The following SLC7A11 variants were observed in gnomAD, a reference collection of about 807,000 sequenced individuals.
SLC7A11 encodes solute carrier family 7 member 11.
A neutral mutation model predicts 54.5 loss-of-function variants in SLC7A11; 35 were observed. The ratio of observed to expected loss-of-function variants is 0.64; its 90% CI spans 0.49 to 0.85. The LOEUF is 0.85. Among genes scored for constraint, SLC7A11 ranks in the 40% least tolerant of loss-of-function variants. The probability of loss-of-function intolerance (pLI) is 0.00; values close to 1 mark genes in which losing one functional copy is unlikely to be tolerated. For missense variants in SLC7A11, 583 were observed against 618.1 expected (o/e 0.94, Z 0.60); for synonymous variants, 230 against 225.2 (o/e 1.02, Z -0.19).
At chr4:138,240,854 C>A (rs1431445901) in intron 1 of SLC7A11, among the ~76,000 whole-genome samples, 1 of 152,162 alleles carries the variant, frequency 6.6e-6, no homozygotes, top group East Asian at 1.9e-4. Context: ...TTTTTATCAT[C>A]TTTACAACAA....
chr4:138,197,330 C>T (rs1737162773), intron 6 of SLC7A11, among the ~76,000 whole-genome samples: 1 of 152,004 alleles, frequency 6.6e-6, no homozygotes, highest in Non-Finnish European at 1.5e-5. Context: ...AAGAAGTATT[C>T]TGAAAAGTAG....
chr4:138,176,998 G>C (rs755003847), intron 11 of SLC7A11: 1 of 152,092 alleles, frequency 6.6e-6, no homozygotes, highest in Non-Finnish European at 1.5e-5. Flanking sequence ...CAGTGTGCCT[G>C]TGTCAGCCAT....
intron 6 of SLC7A11, among the ~76,000 whole-genome samples, chr4:138,202,747 A>C (rs1257266742): frequency 1.3e-5 from 2 of 152,112 alleles, no homozygotes. Flanking sequence ...CCAGAGGCTC[A>C]GAGAGGACAA....
chr4:138,205,209 GA>G (rs1257657831), intron 6 of SLC7A11, among the ~76,000 whole-genome samples: 1 of 151,972 alleles, frequency 6.6e-6, no homozygotes, highest in Non-Finnish European at 1.5e-5. Context: ...GACAGGATTA[GA>G]ATTTTGATTT....
intron 6 of SLC7A11, among the ~76,000 whole-genome samples, chr4:138,186,863 C>A (rs1233200674): frequency 6.6e-6 from 1 of 152,114 alleles, no homozygotes; most frequent in African/African-American, 2.4e-5. Flanking sequence ...ACCTTGAATC[C>A]TTTCAGCTTT....
At chr4:138,233,977 C>A (rs1180879724) in intron 2 of SLC7A11, among the ~76,000 whole-genome samples, 4 of 152,168 alleles carry the variant, frequency 2.6e-5, no homozygotes, top group Non-Finnish European at 4.4e-5. Context: ...CAACCTATGA[C>A]TGGGCCAGAT....
intron 3 of SLC7A11, among the ~76,000 whole-genome samples, chr4:138,229,747 G>C (rs1166932608): frequency 1.3e-5 from 2 of 152,138 alleles, no homozygotes; most frequent in Non-Finnish European, 2.9e-5. Context: ...GAGTTATCTA[G>C]ACTTATAAAA....
intron 11 of SLC7A11, chr4:138,174,481 G>A (rs1388546527): frequency 6.6e-6 from 1 of 152,188 alleles, no homozygotes; most frequent in Non-Finnish European, 1.5e-5. Flanking sequence ...GGATTTGAAT[G>A]ACTTTCATCG....
At chr4:138,203,193 A>T (rs1737329166) in intron 6 of SLC7A11, among the ~76,000 whole-genome samples, 2 of 152,072 alleles carry the variant, frequency 1.3e-5, no homozygotes, top group African/African-American at 4.8e-5. Flanking sequence ...CAGTAATCTA[A>T]AAAGATAACT....
chr4:138,177,731 G>C (rs1290731948), intron 11 of SLC7A11: 2 of 152,104 alleles, frequency 1.3e-5, no homozygotes, highest in African/African-American at 4.8e-5. Flanking sequence ...CTCTGACAGA[G>C]AGATATGCTT....
chr4:138,207,968 T>G (rs1393946765), intron 6 of SLC7A11, among the ~76,000 whole-genome samples: 9 of 152,072 alleles, frequency 5.9e-5, no homozygotes, highest in African/African-American at 2.2e-4. Context: ...ACTAAGATTT[T>G]AAGACGGCAG....
At chr4:138,175,519 C>G (rs779572521) in intron 11 of SLC7A11, 1 of 152,062 alleles carries the variant, frequency 6.6e-6, no homozygotes, top group African/African-American at 2.4e-5. Flanking sequence ...TTTTTCCTCG[C>G]GTGAGAAGCT....
At chr4:138,226,632 T>C (rs1341583248) in intron 3 of SLC7A11, among the ~76,000 whole-genome samples, 1 of 151,998 alleles carries the variant, frequency 6.6e-6, no homozygotes, top group Non-Finnish European at 1.5e-5. Flanking sequence ...GTCTTTACAG[T>C]GAAATTTATG....
intron 6 of SLC7A11, among the ~76,000 whole-genome samples, chr4:138,201,366 T>G (rs1381974758): frequency 6.6e-6 from 1 of 152,080 alleles, no homozygotes. Context: ...TTTCTTCCAC[T>G]TCTATAATTT....
intron 4 of SLC7A11, among the ~76,000 whole-genome samples, chr4:138,222,840 TTAC>T (rs1333767989): frequency 6.6e-6 from 1 of 151,348 alleles, no homozygotes; most frequent in African/African-American, 2.4e-5. Flanking sequence ...TTAATTTTTA[TTAC>T]TATTATTGGA....
Position 138,232,397 on chromosome 4 carries a change from A to G in SLC7A11, c.405-15T>C. 6.8e-7 allele frequency: 1 copy of G among 1,476,098 alleles called. No individual in the cohort carries two copies. The highest frequency in any genetic ancestry group is 9.5e-7 in the Non-Finnish European group (1 of 1,057,538). 91.4% of individuals were successfully genotyped at this position (1,476,098 alleles called of 1,614,324 possible). Reference sequence around the variant, plus strand: ...TAGCTGCAGGGCTAAAAAAAAATGTATATATTTAGGTTAACCACAGGGGAA... The same window carrying G: ...TAGCTGCAGGGCTAAAAAAAAATGTGTATATTTAGGTTAACCACAGGGGAA... On this transcript the variant is annotated splice_polypyrimidine_tract_variant and intron_variant, in intron 2 of 11. Transcript: ENST00000280612.
intron 1 of SLC7A11, among the ~76,000 whole-genome samples, chr4:138,238,368 A>G (rs1025967343): frequency 2.6e-5 from 4 of 152,216 alleles, no homozygotes; most frequent in African/African-American, 9.6e-5. Context: ...AAATCCTGTC[A>G]TTATGTGAAA....
At chr4:138,180,002 G>A (rs1437921763) in intron 10 of SLC7A11, among the ~76,000 whole-genome samples, 3 of 152,062 alleles carry the variant, frequency 2.0e-5, no homozygotes, top group South Asian at 2.1e-4. Context: ...CAAATAAATC[G>A]TGAGGTCAAA....
At chr4:138,223,127 A>C (rs1737855951) in intron 4 of SLC7A11, 72 bp downstream of exon 4, 1 of 1,395,632 alleles carries the variant, frequency 7.2e-7, no homozygotes, top group East Asian at 2.3e-5. Flanking sequence ...TGTTAGTACA[A>C]GCAAAAGTTA....
Sources: allele counts gnomAD v4.1 joint callset (sites outside exome capture counted in the v4.1 genomes callset), GRCh38; gene constraint gnomAD v4.1.1; transcripts MANE v1.5; gene names NCBI Gene and HGNC (gene_info 2026-07-23, HGNC 2026-07-21).